The following PRTN3 variants were observed in gnomAD, a reference collection of about 807,000 sequenced individuals.
The protein encoded by PRTN3 is proteinase 3.
In PRTN3, 22 loss-of-function variants were observed where a neutral mutation model predicts 20.7. That is an observed-to-expected ratio of 1.06 (90% CI 0.76 to 1.52). The LOEUF is 1.52. Among genes scored for constraint, PRTN3 ranks in the 40% most tolerant of loss-of-function variants. The pLI is 0.00. For synonymous variants in PRTN3, 173 were observed against 152.9 expected, an observed-to-expected ratio of 1.13 and a Z score of -0.97; for missense variants, 378 against 359.6, an observed-to-expected ratio of 1.05 and a Z score of -0.41.
chr19:846,090 C>A, intron 3 of PRTN3, 57 bp from the exon 4 acceptor site: 1 of 1,326,686 alleles, frequency 7.5e-7, no homozygotes. Context: ...GAGGGCGGCC[C>A]GGGCGGCCAC....
intron 4 of PRTN3, among the ~76,000 whole-genome samples, chr19:846,652 C>G (rs1406356637): frequency 6.6e-6 from 1 of 152,228 alleles, no homozygotes; most frequent in Non-Finnish European, 1.5e-5. Context: ...CCCTCACCGG[C>G]GGCCCCTTCC....
Position 847,821 on chromosome 19 carries a change from T to C in PRTN3, c.623T>C (p.Ile208Thr). 1 of 1,609,146 alleles carries C rather than the reference T, an allele frequency of 6.2e-7. No individual in the cohort carries two copies. Among genetic ancestry groups the C allele is most frequent in the Non-Finnish European group, 8.5e-7 (1 of 1,177,600 alleles). Residue 208 changes from isoleucine (I) to threonine (T), a missense_variant, in exon 5 of 5, where the codon ATC becomes ACC. Transcript: ENST00000234347. ...CAGGGAGACTCAGGTGGCCCCCTGA[T>C]CTGTGATGGCATCATCCAAGGAATA... ...ICFGDSGGPL[I>T]CDGIIQGIDS...
At position 846,226 on chromosome 19, in the gene PRTN3, C is replaced by T. The variant is rs1015545840; in HGVS notation, c.449C>T (p.Thr150Ile). ...PQQDQPVPHG[T>I]QCLAMGWGRV... ...CAGGACCAGCCAGTGCCCCACGGCA[C>T]CCAGTGCCTGGCCATGGGCTGGGGC... Residue 150 changes from threonine (T) to isoleucine (I), a missense_variant, in exon 4 of 5, where the codon ACC (threonine) becomes ATC (isoleucine). By Grantham distance (89) the Thr-to-Ile change is moderately conservative. Coordinates refer to ENST00000234347, the MANE Select transcript of PRTN3 (RefSeq NM_002777.4). The T allele has an allele frequency of 1.3e-6, 2 of 1,550,954 alleles. No homozygotes were observed. Among genetic ancestry groups the T allele is most frequent in the Non-Finnish European group, 8.7e-7 (1 of 1,147,564 alleles).
At chr19:842,919 T>A (rs550412749) in intron 1 of PRTN3, among the ~76,000 whole-genome samples, 134 of 151,148 alleles carry the variant, frequency 8.9e-4, no homozygotes, top group African/African-American at 3.0e-3. Context: ...AACATTTTTT[T>A]AAATTTTGTT....
intron 4 of PRTN3, among the ~76,000 whole-genome samples, chr19:846,685 C>T (rs2035521459): frequency 6.6e-6 from 1 of 152,224 alleles, no homozygotes; most frequent in African/African-American, 2.4e-5. Flanking sequence ...TCCAGGTATC[C>T]AGCGGGAGGC....
chr19:846,614 C>T (rs1158963607), intron 4 of PRTN3, among the ~76,000 whole-genome samples: 2 of 152,204 alleles, frequency 1.3e-5, no homozygotes, highest in African/African-American at 2.4e-5. Flanking sequence ...CCCTCTAGGA[C>T]CACAGGAAGG....
At chr19:846,054 G>GGTGGTGGGT (rs551839050) in intron 3 of PRTN3, 93 bp from the exon 4 acceptor site, 8 of 929,038 alleles carry the variant, frequency 8.6e-6, no homozygotes, top group South Asian at 2.0e-5. Flanking sequence ...GGCGTTTTGA[G>GGTGGTGGGT]GTGGTGGGTG....
chr19:846,745 C>CTT (rs2035522431), intron 4 of PRTN3, among the ~76,000 whole-genome samples: 1 of 92,542 alleles, frequency 1.1e-5, no homozygotes, highest in African/African-American at 6.6e-5. Flanking sequence ...CCTGCTCACA[C>CTT]TTTTTGTTTG....
chr19:844,084 C>G, intron 3 of PRTN3, 50 bp downstream of exon 3: 1 of 1,542,736 alleles, frequency 6.5e-7, no homozygotes. Flanking sequence ...CAGAGGGCTC[C>G]GGGACCCCCA....
chr19:843,364 G>C lies in PRTN3; in HGVS notation c.62-97G>C, dbSNP rs933124535. The C allele has an allele frequency of 3.8e-6, 5 of 1,319,048 alleles. No individual in the cohort carries two copies. In the South Asian group the frequency reaches 7.7e-5, roughly 20 times the overall value. 81.7% of individuals were successfully genotyped at this position (1,319,048 alleles called of 1,614,324 possible). A position where few individuals can be genotyped will look rare whatever the true frequency, so the allele number is the denominator to read the frequency against. On this transcript the variant is annotated intron_variant, in intron 1 of 4. Coordinates refer to ENST00000234347, the MANE Select transcript of PRTN3 (RefSeq NM_002777.4). The stretch of plus-strand genomic sequence containing the variant: ...GCAGGCACTGACCGGGTTGCAGATC[G>C]GGAGACGGAGGCTCGGAGAGGCCCA...
Position 848,093 on chromosome 19 carries a change from C to G in PRTN3, c.*124C>G, listed in dbSNP as rs950356866. On this transcript the variant is annotated 3_prime_UTR_variant, in exon 5 of 5. Transcript: ENST00000234347. ...GTCCGGGACGGCCCCACCCGTCCCC[C>G]CACACTCCCTCCCACGGGGCTCCGG... 1 of 1,226,790 alleles carries G rather than the reference C, an allele frequency of 8.2e-7. No individual in the cohort carries two copies. The highest frequency in any genetic ancestry group is 2.6e-5 in the East Asian group (1 of 38,986). The allele number at this position is 1,226,790 out of a possible 1,614,324, so 76.0% of individuals were successfully genotyped here.
In PRTN3 at chr19:846,351, C is replaced by T. The variant is rs778996706; in HGVS notation, c.574C>T (p.Pro192Ser). ...CRPHNICTFV[P>S]RRKAGICFGD... is the part of the protein sequence containing the mutation. The stretch of plus-strand genomic sequence containing the variant: ...GCCACATAACATTTGCACTTTCGTC[C>T]CTCGCCGCAAGGCCGGCATCTGCTT... Residue 192 changes from proline to serine, a missense_variant, in exon 4 of 5, where the codon CCT (proline) becomes TCT (serine). Transcript: ENST00000234347. 6 of 1,566,826 alleles carry T rather than the reference C, an allele frequency of 3.8e-6. No homozygotes were observed. Among genetic ancestry groups the T allele is most frequent in the Non-Finnish European group, 5.2e-6 (6 of 1,156,974 alleles).
At chr19:847,140 T>G (rs1016551332) in intron 4 of PRTN3, among the ~76,000 whole-genome samples, 6 of 152,164 alleles carry the variant, frequency 3.9e-5, no homozygotes, top group Non-Finnish European at 7.4e-5. Flanking sequence ...GTGGCATCTC[T>G]ACAAATAATT....
At position 847,835 on chromosome 19, in the gene PRTN3, A is replaced by G; in HGVS notation, c.637A>G (p.Ile213Val). Residue 213 changes from isoleucine (I) to valine (V), a missense_variant, in exon 5 of 5, where the codon ATC (isoleucine) becomes GTC (valine). Coordinates refer to ENST00000234347, the MANE Select transcript of PRTN3 (RefSeq NM_002777.4). ...TGGCCCCCTGATCTGTGATGGCATC[A>G]TCCAAGGAATAGACTCCTTCGTGAT... ...SGGPLICDGI[I>V]QGIDSFVIWG... 6.2e-7 allele frequency: 1 copy of G among 1,609,634 alleles called. No individual in the cohort carries two copies. The highest frequency in any genetic ancestry group is 8.5e-7 in the Non-Finnish European group (1 of 1,177,852).
chr19:847,547 GAA>G (rs375071420), intron 4 of PRTN3, among the ~76,000 whole-genome samples: 412 of 131,166 alleles, frequency 3.1e-3, no homozygotes, highest in Middle Eastern at 0.015. Context: ...AAGAAAGAAA[GAA>G]AAAGAAAGAG....
chr19:846,057 G>C, intron 3 of PRTN3, 90 bp from the exon 4 acceptor site: 1 of 941,840 alleles, frequency 1.1e-6, no homozygotes, highest in Non-Finnish European at 1.5e-6. Context: ...GTTTTGAGGT[G>C]GTGGGTGTGG....
intron 4 of PRTN3, among the ~76,000 whole-genome samples, chr19:846,798 A>G (rs889883221): frequency 3.7e-4 from 56 of 152,116 alleles, no homozygotes; most frequent in African/African-American, 1.3e-3. Flanking sequence ...GCTGGAGTGC[A>G]GTGGTGAGAT....
rs1404393184 is a variant in PRTN3 at position 844,052 on chromosome 19, C to T, written c.369+18C>T. ...TCATCCAGGTGGGCGGGCAGGGCCG[C>T]GAGGGCTCGGAGGGGCACGGCCAGA... On this transcript the variant is annotated intron_variant, in intron 3 of 4. Transcript: ENST00000234347. 1.3e-6 allele frequency: 2 copies of T among 1,593,026 alleles called. No individual in the cohort carries two copies. Among genetic ancestry groups the T allele is most frequent in the Admixed American group, 1.8e-5 (1 of 57,128 alleles).
At chr19:844,316 G>T (rs2035488447) in intron 3 of PRTN3, among the ~76,000 whole-genome samples, 2 of 74,336 alleles carry the variant, frequency 2.7e-5, no homozygotes, top group Non-Finnish European at 5.1e-5. Flanking sequence ...CCTCTCCCCC[G>T]CCCGCGCCTC....
Sources: allele counts gnomAD v4.1 joint callset (sites outside exome capture counted in the v4.1 genomes callset), GRCh38; gene constraint gnomAD v4.1.1; transcripts MANE v1.5; gene names NCBI Gene and HGNC (gene_info 2026-07-23, HGNC 2026-07-21).